Variants in UBOX5 observed in about 807,000 individuals in gnomAD.
UBOX5 encodes U-box domain containing 5, also known as RING finger protein 37.
Under a neutral mutation model 39.0 loss-of-function variants are expected in UBOX5, and 28 were observed. The ratio of observed to expected loss-of-function variants is 0.72; its 90% confidence interval spans 0.53 to 0.98. The LOEUF (loss-of-function observed/expected upper bound fraction) is 0.98, where lower values mean the gene tolerates loss of function less well. Ranked by LOEUF, UBOX5 falls within the 50% of genes least tolerant of loss-of-function variation. The pLI is 0.00. For missense variants in UBOX5, 585 were observed against 674.4 expected (o/e 0.87, Z 1.47); for synonymous variants, 283 against 275.5 (o/e 1.03, Z -0.27).
intron 1 of UBOX5, among the ~76,000 whole-genome samples, chr20:3,142,163 G>GAAAAAAAAAA (rs74932169): frequency 3.8e-5 from 3 of 79,974 alleles, no homozygotes; most frequent in Non-Finnish European, 5.5e-5. Context: ...GTCTCAAAAA[G>GAAAAAAAAAA]AAAAAAAAAA....
chr20:3,148,968 T>C (rs761490417), intron 1 of UBOX5: 1 of 1,614,230 alleles, frequency 6.2e-7, no homozygotes, highest in South Asian at 1.1e-5. Context: ...TGCTGTGTGC[T>C]GCTCACATTC....
intron 1 of UBOX5, among the ~76,000 whole-genome samples, chr20:3,123,609 T>C (rs569034192): frequency 5.7e-4 from 87 of 152,270 alleles, no homozygotes; most frequent in African/African-American, 2.1e-3. Flanking sequence ...AAGACTTCTA[T>C]GGCAGGCTCA....
At chr20:3,146,754 T>C (rs747016766) in intron 1 of UBOX5, 7 of 1,602,456 alleles carry the variant, frequency 4.4e-6, no homozygotes, top group African/African-American at 4.0e-5. Context: ...AGCTTTGCCA[T>C]AGAAATGCCC....
At chr20:3,137,866 G>A (rs1399330005) in intron 1 of UBOX5, among the ~76,000 whole-genome samples, 2 of 152,216 alleles carry the variant, frequency 1.3e-5, no homozygotes, top group African/African-American at 2.4e-5. Flanking sequence ...AGCCTTGGCT[G>A]AAGACTCCAG....
chr20:3,140,557 C>T (rs1369227540), intron 1 of UBOX5, among the ~76,000 whole-genome samples: 1 of 152,166 alleles, frequency 6.6e-6, no homozygotes, highest in Admixed American at 6.5e-5. Flanking sequence ...CCATGGCCTA[C>T]TCCATCTGCT....
chr20:3,132,236 G>A (rs543005431), intron 1 of UBOX5, among the ~76,000 whole-genome samples: 9 of 151,920 alleles, frequency 5.9e-5, no homozygotes, highest in Non-Finnish European at 8.8e-5. Context: ...CTTGAGCCCA[G>A]GAGGCAGAGG....
In UBOX5 at chr20:3,148,854, T is replaced by G. The variant is rs900011789; in HGVS notation, c.-42+10912A>C. ...CTGAATTCCAAACCTGGGTGGGCAC[T>G]GCTGGTTGTCAGGATTCTCCGAGAA... On this transcript the variant is annotated intron_variant, in intron 1 of 4. Coordinates refer to ENST00000217173, the MANE Select transcript of UBOX5 (RefSeq NM_014948.4). 1.4e-5 allele frequency: 22 copies of G among 1,614,122 alleles called. No individual in the cohort carries two copies. Among genetic ancestry groups the G allele is most frequent in the Admixed American group, 1.7e-5 (1 of 60,012 alleles).
At chr20:3,143,048 T>C (rs1461588334) in intron 1 of UBOX5, among the ~76,000 whole-genome samples, 1 of 150,516 alleles carries the variant, frequency 6.6e-6, no homozygotes, top group Non-Finnish European at 1.5e-5. Context: ...AAAAAAATTA[T>C]TAGGGCTAAC....
In UBOX5 at chr20:3,149,257, G is replaced by A. The variant is rs1435466087; in HGVS notation, c.-42+10509C>T. 12 of 591,680 alleles carry A rather than the reference G, an allele frequency of 2.0e-5. No individual in the cohort carries two copies. The highest frequency in any genetic ancestry group is 1.7e-4 in the African/African-American group (9 of 53,564). 36.7% of individuals were successfully genotyped at this position (591,680 alleles called of 1,614,324 possible). On this transcript the variant is annotated intron_variant, in intron 1 of 4. Coordinates refer to ENST00000217173, the MANE Select transcript of UBOX5 (RefSeq NM_014948.4). The surrounding 1 kb of genome is among the most constrained non-coding windows in gnomAD (Gnocchi z 4.1). Reference sequence around the variant, plus strand: ...AATGACTGGGTCAGAATTGGTGCCAGATACTGAAAAAAGGGTAGATGAAGA... The same window carrying A: ...AATGACTGGGTCAGAATTGGTGCCAAATACTGAAAAAAGGGTAGATGAAGA...
intron 3 of UBOX5, among the ~76,000 whole-genome samples, chr20:3,117,194 A>G (rs1292421392): frequency 6.6e-6 from 1 of 152,120 alleles, no homozygotes; most frequent in Non-Finnish European, 1.5e-5. Context: ...GGGTATTCCA[A>G]TACTATTCAA....
chr20:3,151,417 G>A (rs1255689056), intron 1 of UBOX5, among the ~76,000 whole-genome samples: 3 of 152,152 alleles, frequency 2.0e-5, no homozygotes, highest in African/African-American at 7.2e-5. Flanking sequence ...GGCCTGCAAA[G>A]CATATTTAGT....
chr20:3,153,460 G>C (rs1021625463), intron 1 of UBOX5, among the ~76,000 whole-genome samples: 7 of 152,198 alleles, frequency 4.6e-5, no homozygotes, highest in Non-Finnish European at 1.0e-4. Flanking sequence ...TGATGAGAAA[G>C]AGACCACAAG....
At chr20:3,152,896 A>G (rs2066646028) in intron 1 of UBOX5, among the ~76,000 whole-genome samples, 1 of 151,442 alleles carries the variant, frequency 6.6e-6, no homozygotes, top group African/African-American at 2.4e-5. Context: ...AAAGAGCAAG[A>G]CTGTCTCAAA....
chr20:3,122,435 T>C lies in UBOX5; in HGVS notation c.204A>G (p.Ile68Met). The change falls in exon 3 of 5, where the codon ATA (isoleucine) becomes ATG (methionine). Residue 68 changes from isoleucine (I) to methionine (M), a missense_variant. Ile to Met is a conservative substitution (Grantham distance 10). Transcript: ENST00000217173. ...TCTGACCTCCCCCAGCTGTGAGGTC[T>C]ATGTTGATCCTACAGATTTCCACAT... ...PFNVEICRINIDLTAGGGQNV... is the reference protein window; with the variant it reads ...PFNVEICRINMDLTAGGGQNV... The C allele has an allele frequency of 6.2e-7, 1 of 1,614,232 alleles. No homozygotes were observed.
chr20:3,115,995 T>C (rs886540883), intron 3 of UBOX5, among the ~76,000 whole-genome samples: 9 of 152,134 alleles, frequency 5.9e-5, no homozygotes, highest in Non-Finnish European at 1.0e-4. Flanking sequence ...GACCTCGTGA[T>C]CCACCTGCCT....
chr20:3,141,879 T>C (rs973774228), intron 1 of UBOX5, among the ~76,000 whole-genome samples: 1 of 151,848 alleles, frequency 6.6e-6, no homozygotes, highest in South Asian at 2.1e-4. Context: ...GATGTCGTAG[T>C]GTGCCCACAG....
chr20:3,159,377 C>A (rs1318740913), intron 1 of UBOX5, among the ~76,000 whole-genome samples: 3 of 152,200 alleles, frequency 2.0e-5, no homozygotes, highest in Admixed American at 1.3e-4. Context: ...TCAGAACCCA[C>A]CCCAGTCCTA....
chr20:3,148,795 C>T lies in UBOX5; in HGVS notation c.-42+10971G>A, dbSNP rs76392282. 3,657 of 1,614,228 alleles carry T rather than the reference C, an allele frequency of 2.3e-3. 74 individuals are homozygous for T. In the African/African-American group the frequency reaches 0.044, roughly 20 times the overall value. ...CTCCTGTGGCCCTGGGTGAGCCCAG[C>T]TGCAATGTACTGGCCTTAGAGGAAG... On this transcript the variant is annotated intron_variant, in intron 1 of 4. Coordinates refer to ENST00000217173, the MANE Select transcript of UBOX5 (RefSeq NM_014948.4).
At chr20:3,110,879 T>A (rs112184449) in intron 4 of UBOX5, among the ~76,000 whole-genome samples, 1,740 of 149,172 alleles carry the variant, frequency 0.012, 37 homozygotes, top group African/African-American at 0.041. Flanking sequence ...CATGGTCCAG[T>A]GCACCAAGGT....
Sources: gnomAD v4.1 joint callset for allele counts (sites outside exome capture counted in the v4.1 genomes callset) on GRCh38, gnomAD v4.1.1 for gene constraint, Gnocchi (gnomAD v3.1) non-coding constraint, MANE v1.5 for transcripts, NCBI Gene and HGNC (gene_info 2026-07-23, HGNC 2026-07-21) for gene names.